The following PACRGL variants were observed in gnomAD, a reference collection of about 807,000 sequenced individuals.
PACRGL encodes the protein parkin coregulated like.
Under a neutral mutation model 34.5 loss-of-function variants are expected in PACRGL, and 38 were observed. The observed-to-expected ratio is 1.10, with a 90% confidence interval of 0.85 to 1.44. The LOEUF (loss-of-function observed/expected upper bound fraction) is 1.44, where lower values mean the gene tolerates loss of function less well. Ranked by LOEUF, PACRGL falls within the 40% of genes most tolerant of loss-of-function variation. The pLI, the probability that PACRGL is intolerant of heterozygous loss-of-function variation, is 0.00. For synonymous variants in PACRGL, 128 were observed against 100.1 expected (o/e 1.28, Z -1.66); for missense variants, 305 against 281.4 (o/e 1.08, Z -0.60).
intron 1 of PACRGL, 141 bp from the exon 2 acceptor site, chr4:20,704,325 T>G: frequency 1.5e-6 from 1 of 651,832 alleles, no homozygotes. Flanking sequence ...TCATTAGTCT[T>G]TTCCAGTATT....
Position 20,729,050 on chromosome 4 carries a change from AT to A in PACRGL, c.*1713del. 1.4e-5 allele frequency: 1 copy of A among 69,806 alleles called. No individual in the cohort carries two copies. The highest frequency in any genetic ancestry group is 7.6e-5 in the African/African-American group (1 of 13,212). 4.3% of individuals were successfully genotyped at this position (69,806 alleles called of 1,614,324 possible). A position where few individuals can be genotyped will look rare whatever the true frequency, so the allele number is the denominator to read the frequency against. ...GGAACCACTGGTGCTTTCAAAGTGAATTTTGCTTGCTAATTTTGCTTGCTGT... is the reference window on the plus strand; with the variant it reads ...GGAACCACTGGTGCTTTCAAAGTGAATTTGCTTGCTAATTTTGCTTGCTGT... On this transcript the variant is annotated 3_prime_UTR_variant, in exon 9 of 9. Transcript: ENST00000503585.
chr4:20,706,701 G>A (rs1046532419), intron 3 of PACRGL, among the ~76,000 whole-genome samples: 6 of 151,498 alleles, frequency 4.0e-5, no homozygotes, highest in South Asian at 2.1e-4. Context: ...TCAGCCTCCC[G>A]AGTAGCTGGG....
At chr4:20,743,832 C>G (rs1002219820) in intron 8 of PACRGL, among the ~76,000 whole-genome samples, 1 of 151,852 alleles carries the variant, frequency 6.6e-6, no homozygotes, top group African/African-American at 2.4e-5. Flanking sequence ...AGTGAACAGG[C>G]AACCTACAAA....
chr4:20,749,607 C>A, intron 8 of PACRGL: 1 of 1,257,002 alleles, frequency 8.0e-7, no homozygotes, highest in Admixed American at 1.8e-5. Context: ...CATTTTCCCC[C>A]TAAAAAGACT....
In PACRGL at chr4:20,729,107, GTTTC is replaced by G. The variant is rs1193451162; in HGVS notation, c.*1774_*1777del. On this transcript the variant is annotated 3_prime_UTR_variant, in exon 9 of 9. Coordinates refer to ENST00000503585, the MANE Select transcript of PACRGL (RefSeq NM_001258345.3). ...CTTAGTAGACAGTGGGGTAGTCAAGGTTTCTTTCTTTGTCCCTGAATGGCTTGTA... is the reference window on the plus strand; with the variant it reads ...CTTAGTAGACAGTGGGGTAGTCAAGGTTTCTTTGTCCCTGAATGGCTTGTA... 5.3e-5 allele frequency: 8 copies of G among 151,950 alleles called. No individual in the cohort carries two copies. The highest frequency in any genetic ancestry group is 7.4e-5 in the Non-Finnish European group (5 of 67,984). The allele number at this position is 151,950 out of a possible 1,614,324, so 9.4% of individuals were successfully genotyped here. A position where few individuals can be genotyped will look rare whatever the true frequency, so the allele number is the denominator to read the frequency against.
chr4:20,711,250 A>G (rs1217377956), intron 5 of PACRGL, among the ~76,000 whole-genome samples: 1 of 151,988 alleles, frequency 6.6e-6, no homozygotes, highest in Non-Finnish European at 1.5e-5. Context: ...TTAATTTGGG[A>G]TATCCTTAAA....
At chr4:20,732,886 C>T (rs1051437000), downstream of PACRGL, 1 of 717,140 alleles carries the variant, frequency 1.4e-6, no homozygotes, top group African/African-American at 1.8e-5. Flanking sequence ...AAATTTTTGA[C>T]TTTTTGTTTG....
chr4:20,753,283 A>G (rs1486104307), downstream of PACRGL, among the ~76,000 whole-genome samples: 1 of 152,162 alleles, frequency 6.6e-6, no homozygotes, highest in East Asian at 1.9e-4. Context: ...TCTCTTAGAA[A>G]TCGAGGATAC....
intron 7 of PACRGL, among the ~76,000 whole-genome samples, chr4:20,723,964 T>G (rs1161753265): frequency 2.0e-5 from 3 of 152,148 alleles, no homozygotes; most frequent in Non-Finnish European, 4.4e-5. Context: ...TCCATACATT[T>G]CAGCCTCAAA....
the PACRGL span, among the ~76,000 whole-genome samples, chr4:20,765,604 A>G: frequency 1.3e-5 from 2 of 152,130 alleles, no homozygotes; most frequent in Non-Finnish European, 2.9e-5. Flanking sequence ...GCTGAGGAAA[A>G]TGTTCTGGTT....
At chr4:20,734,801 T>C, downstream of PACRGL, 3 of 688,044 alleles carry the variant, frequency 4.4e-6, no homozygotes, top group Non-Finnish European at 6.9e-6. Context: ...AAAAAACAAA[T>C]GATGTAAGTA....
At chr4:20,706,566 A>G (rs923819590) in intron 3 of PACRGL, among the ~76,000 whole-genome samples, 6 of 152,102 alleles carry the variant, frequency 3.9e-5, no homozygotes, top group Admixed American at 2.6e-4. Flanking sequence ...CATGGATTGA[A>G]TTTTGGAAAT....
rs1427371505 is a variant in PACRGL, at chr4:20,704,547, G to A, written c.52+14G>A. ...ACAGAGCAACAGGTACAGAGCTTTT[G>A]TTTTTAAGTGAAGAGGTCAAGTTTG... On this transcript the variant is annotated intron_variant, in intron 2 of 8. Coordinates refer to ENST00000503585, the MANE Select transcript of PACRGL (RefSeq NM_001258345.3). The A allele has an allele frequency of 6.2e-7, 1 of 1,613,608 alleles. No homozygotes were observed. Among genetic ancestry groups the A allele is most frequent in the South Asian group, 1.1e-5 (1 of 90,990 alleles).
downstream of PACRGL, among the ~76,000 whole-genome samples, chr4:20,733,407 A>G (rs1332364011): frequency 1.3e-5 from 2 of 152,212 alleles, no homozygotes; most frequent in Admixed American, 6.6e-5. Context: ...GAGAGTAAAA[A>G]TAATCTCTAA....
chr4:20,759,000 T>C, the PACRGL span: 4 of 743,482 alleles, frequency 5.4e-6, no homozygotes, highest in Non-Finnish European at 9.2e-6. Context: ...CCAAGAAAAT[T>C]AACCATTCAT....
At chr4:20,765,791 T>C in the PACRGL span, among the ~76,000 whole-genome samples, 1 of 152,224 alleles carries the variant, frequency 6.6e-6, no homozygotes, top group Non-Finnish European at 1.5e-5. Context: ...CTTTGCAATA[T>C]AACTGCCATA....
At chr4:20,719,706 AATTTCTGTTCTTTTAC>A (rs1192840066) in intron 7 of PACRGL, among the ~76,000 whole-genome samples, 4 of 151,492 alleles carry the variant, frequency 2.6e-5, no homozygotes, top group Non-Finnish European at 5.9e-5. Flanking sequence ...AGTTTGTTAT[AATTTCTGTTCTTTTAC>A]ATTTGCTGAG....
At chr4:20,699,217 TA>T (rs1731447196), upstream of PACRGL, among the ~76,000 whole-genome samples, 1 of 138,778 alleles carries the variant, frequency 7.2e-6, no homozygotes, top group African/African-American at 2.8e-5. Flanking sequence ...AGATACAGGA[TA>T]TAAGATTTTT....
At chr4:20,722,043 C>A (rs1235719249) in intron 7 of PACRGL, among the ~76,000 whole-genome samples, 1 of 152,248 alleles carries the variant, frequency 6.6e-6, no homozygotes, top group Non-Finnish European at 1.5e-5. Context: ...CCTCTCCCAG[C>A]CTTGCTGCCG....
Sources: gnomAD v4.1 joint callset for allele counts (sites outside exome capture counted in the v4.1 genomes callset) on GRCh38, gnomAD v4.1.1 for gene constraint, MANE v1.5 for transcripts, NCBI Gene and HGNC (gene_info 2026-07-23, HGNC 2026-07-21) for gene names.